The following CEP170 variants were observed in gnomAD, a reference collection of about 807,000 sequenced individuals.
The protein encoded by CEP170 is centrosomal protein 170, also known as centrosomal protein of 170 kDa.
In CEP170, 21 loss-of-function variants were observed where a neutral mutation model predicts 151.9. The ratio of observed to expected loss-of-function variants is 0.14; its 90% CI spans 0.10 to 0.20. The LOEUF (loss-of-function observed/expected upper bound fraction) is 0.20, where lower values mean the gene tolerates loss of function less well. Among genes scored for constraint, CEP170 ranks in the 10% least tolerant of loss-of-function variants. The pLI, the probability that CEP170 is intolerant of heterozygous loss-of-function variation, is 1.00. For missense variants in CEP170, 964 were observed against 1,892.9 expected (o/e 0.51, Z 9.11); for synonymous variants, 356 against 648.8 (o/e 0.55, Z 6.86).
chr1:243,186,428 T>C lies in CEP170; in HGVS notation c.1109-6A>G. ...ACCATCATCATGTTTATTTCCTGGA[T>C]ACAAAAAGAAAACACACAATAGAGA... On this transcript the variant is annotated splice_region_variant and splice_polypyrimidine_tract_variant and intron_variant, in intron 8 of 19. Coordinates refer to ENST00000366542, the MANE Select transcript of CEP170 (RefSeq NM_014812.3). 6.3e-7 allele frequency: 1 copy of C among 1,585,274 alleles called. No homozygotes were observed. The highest frequency in any genetic ancestry group is 8.5e-7 in the Non-Finnish European group (1 of 1,170,060).
intron 1 of CEP170, among the ~76,000 whole-genome samples, chr1:243,229,425 G>GAA (rs562943434): frequency 6.6e-6 from 1 of 150,552 alleles, no homozygotes; most frequent in African/African-American, 2.4e-5. Context: ...TTGTAAGGAG[G>GAA]GAAAAAAAAG....
chr1:243,146,733 T>C (rs1206728241), intron 14 of CEP170, among the ~76,000 whole-genome samples: 1 of 151,586 alleles, frequency 6.6e-6, no homozygotes, highest in South Asian at 2.1e-4. Flanking sequence ...TCATTGCTTA[T>C]ACAATGCAGG....
At chr1:243,244,359 A>T (rs1461437179) in intron 1 of CEP170, among the ~76,000 whole-genome samples, 3 of 17,902 alleles carry the variant, frequency 1.7e-4, no homozygotes, top group East Asian at 0.026. Context: ...TCCTTGTATC[A>T]CACACACACA....
At chr1:243,202,481 G>A (rs2061113803) in intron 4 of CEP170, among the ~76,000 whole-genome samples, 1 of 151,866 alleles carries the variant, frequency 6.6e-6, no homozygotes, top group Non-Finnish European at 1.5e-5. Context: ...CAAAAAATGT[G>A]ATTAAGCTAT....
chr1:243,218,774 A>G (rs989270527), intron 3 of CEP170, among the ~76,000 whole-genome samples: 3 of 152,196 alleles, frequency 2.0e-5, no homozygotes, highest in Non-Finnish European at 2.9e-5. Context: ...TAAAATTATT[A>G]GCTTATTTAT....
At position 243,125,753 on chromosome 1, in the gene CEP170, C is replaced by T. The variant is rs913738724; in HGVS notation, c.*696G>A. On this transcript the variant is annotated 3_prime_UTR_variant, in exon 20 of 20. Coordinates refer to ENST00000366542, the MANE Select transcript of CEP170 (RefSeq NM_014812.3). ...TACAGTATTATCAATCTCCTATGTA[C>T]AAAAAAGACGGTTAGTCCTTATTGA... is the stretch of plus-strand genomic sequence containing the variant. 17 of 177,566 alleles carry T rather than the reference C, an allele frequency of 9.6e-5. No homozygotes were observed. Among genetic ancestry groups the T allele is most frequent in the African/African-American group, 3.6e-4 (15 of 41,990 alleles). The allele number at this position is 177,566 out of a possible 1,614,324, so 11.0% of individuals were successfully genotyped here.
chr1:243,139,923 T>G lies in CEP170; in HGVS notation c.4230+14A>C. ...GCTGCTTCTGCCACATGTTAAAATT[T>G]ATAGTTTACTTACTTCATCCCTGCT... is the stretch of plus-strand genomic sequence containing the variant. On this transcript the variant is annotated intron_variant, in intron 16 of 19. Transcript: ENST00000366542. 1 of 1,606,072 alleles carries G rather than the reference T, an allele frequency of 6.2e-7. No individual in the cohort carries two copies.
chr1:243,254,048 G>T (rs1198713004), intron 1 of CEP170, among the ~76,000 whole-genome samples: 1 of 152,104 alleles, frequency 6.6e-6, no homozygotes, highest in Non-Finnish European at 1.5e-5. Context: ...AATTCTGCTT[G>T]TTCATTTCCC....
intron 1 of CEP170, among the ~76,000 whole-genome samples, chr1:243,251,913 G>A (rs1263586438): frequency 1.5e-4 from 23 of 152,026 alleles, no homozygotes. Context: ...AAACATTTCT[G>A]CTAAACTGGA....
At chr1:243,155,228 A>T (rs1469911936) in intron 14 of CEP170, among the ~76,000 whole-genome samples, 1 of 152,250 alleles carries the variant, frequency 6.6e-6, no homozygotes, top group Non-Finnish European at 1.5e-5. Context: ...AATAAAAGCG[A>T]TGACAAGTGA....
chr1:243,221,523 T>C (rs2062817465), intron 3 of CEP170: 2 of 512,782 alleles, frequency 3.9e-6, no homozygotes, highest in Non-Finnish European at 6.8e-6. Flanking sequence ...TCTGGATTCA[T>C]CTGCTTATAG....
intron 17 of CEP170, among the ~76,000 whole-genome samples, chr1:243,130,960 G>T (rs971325564): frequency 6.6e-5 from 10 of 152,166 alleles, no homozygotes; most frequent in South Asian, 2.1e-4. Context: ...AGGAAATAAT[G>T]ACTATTTCAT....
chr1:243,212,726 C>A (rs1011611189), intron 3 of CEP170, among the ~76,000 whole-genome samples: 1 of 151,740 alleles, frequency 6.6e-6, no homozygotes, highest in Non-Finnish European at 1.5e-5. Flanking sequence ...CGCGGTGGTG[C>A]GATCATGGTG....
intron 14 of CEP170, among the ~76,000 whole-genome samples, chr1:243,154,782 A>G (rs1033609724): frequency 6.6e-6 from 1 of 152,196 alleles, no homozygotes; most frequent in African/African-American, 2.4e-5. Flanking sequence ...TCTTTGTATT[A>G]CAACTGTTTT....
intron 13 of CEP170, among the ~76,000 whole-genome samples, chr1:243,159,418 A>C (rs2057854015): frequency 6.6e-6 from 1 of 152,210 alleles, no homozygotes; most frequent in Non-Finnish European, 1.5e-5. Flanking sequence ...TATTTCTCAA[A>C]GAATTTATTT....
chr1:243,216,435 A>C (rs2062304714), intron 3 of CEP170, among the ~76,000 whole-genome samples: 1 of 143,978 alleles, frequency 6.9e-6, no homozygotes, highest in African/African-American at 2.6e-5. Flanking sequence ...ATTCCAACCT[A>C]TAAGTGAGAA....
At chr1:243,231,697 G>A (rs1026807305) in intron 1 of CEP170, among the ~76,000 whole-genome samples, 1 of 151,988 alleles carries the variant, frequency 6.6e-6, no homozygotes, top group African/African-American at 2.4e-5. Context: ...AAAATATACA[G>A]TGAAAGAAAG....
intron 4 of CEP170, among the ~76,000 whole-genome samples, chr1:243,210,728 C>T (rs1463377201): frequency 6.8e-6 from 1 of 146,724 alleles, no homozygotes; most frequent in Non-Finnish European, 1.5e-5. Context: ...GATTCTCCTG[C>T]CTCAGCCTCT....
Position 243,185,968 on chromosome 1 carries a change from T to A in CEP170, c.1377A>T (p.Ala459=), listed in dbSNP as rs780432891. The A allele has an allele frequency of 1.9e-6, 3 of 1,613,778 alleles. No homozygotes were observed. Among genetic ancestry groups the A allele is most frequent in the Non-Finnish European group, 2.5e-6 (3 of 1,179,712 alleles). Residue 459 remains alanine, a synonymous_variant, in exon 10 of 20, where the codon GCA becomes GCT. Transcript: ENST00000366542. This position sits in a 1 kb window ranked among gnomAD's most constrained non-coding sequence, Gnocchi z 4.9. Reference sequence around the variant, plus strand: ...CAAGACTCCCTGAACTTCTTAATAATGCAGTTTGTAGGAAGGGTATTGACA... The same window carrying A: ...CAAGACTCCCTGAACTTCTTAATAAAGCAGTTTGTAGGAAGGGTATTGACA... ...PSVSIPFLQT[A]LLRSSGSLGH...
Sources: gnomAD v4.1 joint callset for allele counts (sites outside exome capture counted in the v4.1 genomes callset) on GRCh38, gnomAD v4.1.1 for gene constraint, Gnocchi (gnomAD v3.1) non-coding constraint, MANE v1.5 for transcripts, NCBI Gene and HGNC (gene_info 2026-07-23, HGNC 2026-07-21) for gene names.